The following GAB4 variants were observed in gnomAD, a reference collection of about 807,000 sequenced individuals.
GAB4 encodes GRB2 associated binding protein family member 4.
GAB4 carries 26 observed loss-of-function variants against 51.3 expected under a neutral mutation model. The ratio of observed to expected loss-of-function variants is 0.51; its 90% CI spans 0.37 to 0.70. The LOEUF (loss-of-function observed/expected upper bound fraction) is 0.70, where lower values mean the gene tolerates loss of function less well. Among genes scored for constraint, GAB4 ranks in the 30% least tolerant of loss-of-function variants. GAB4 has a pLI of 0.00. For synonymous variants in GAB4, 329 were observed against 291.2 expected, an observed-to-expected ratio of 1.13 and a Z score of -1.32; for missense variants, 759 against 734.6, an observed-to-expected ratio of 1.03 and a Z score of -0.38.
intron 9 of GAB4, among the ~76,000 whole-genome samples, chr22:16,963,257 T>A (rs1205831403): frequency 2.0e-5 from 3 of 152,206 alleles, no homozygotes; most frequent in South Asian, 2.1e-4. Flanking sequence ...AGGGGCGCAA[T>A]GCACAGAGAT....
intron 4 of GAB4, among the ~76,000 whole-genome samples, chr22:16,968,668 T>G (rs2060703692): frequency 1.3e-5 from 2 of 152,122 alleles, no homozygotes; most frequent in Admixed American, 1.3e-4. Context: ...CCCATCCCTT[T>G]CACCCACCTG....
At chr22:16,970,248 C>T (rs2060719705) in intron 3 of GAB4, 55 bp from the exon 4 acceptor site, 2 of 1,594,768 alleles carry the variant, frequency 1.3e-6, no homozygotes, top group Non-Finnish European at 8.6e-7. Context: ...AGGACTGCCC[C>T]AGGGAGGCAG....
intron 1 of GAB4, among the ~76,000 whole-genome samples, chr22:17,002,040 G>C (rs763143784): frequency 6.6e-6 from 1 of 152,094 alleles, no homozygotes; most frequent in Non-Finnish European, 1.5e-5. Flanking sequence ...GGAGTGTCCC[G>C]ATTTTCCAGG....
chr22:16,963,380 A>T (rs530240510), intron 9 of GAB4, among the ~76,000 whole-genome samples: 3 of 152,234 alleles, frequency 2.0e-5, no homozygotes, highest in South Asian at 4.1e-4. Context: ...CGGGCTCTAG[A>T]ACCCTCCCAC....
At chr22:16,999,328 G>C (rs556342382) in intron 1 of GAB4, among the ~76,000 whole-genome samples, 2 of 152,278 alleles carry the variant, frequency 1.3e-5, no homozygotes, top group African/African-American at 4.8e-5. Context: ...ACCTGTTATT[G>C]GTCTATTCAG....
intron 1 of GAB4, among the ~76,000 whole-genome samples, chr22:16,995,469 C>T (rs1391642612): frequency 2.0e-5 from 3 of 152,226 alleles, no homozygotes; most frequent in Admixed American, 6.5e-5. Context: ...TGCTAAGGGA[C>T]AGACTGCCTC....
intron 1 of GAB4, among the ~76,000 whole-genome samples, chr22:16,997,343 G>C (rs1051127352): frequency 3.9e-5 from 6 of 152,304 alleles, no homozygotes; most frequent in Admixed American, 6.5e-5. Context: ...ATTCTAACTG[G>C]TATGAGATGG....
intron 7 of GAB4, 22 bp downstream of exon 7, chr22:16,965,156 G>T (rs1433051659): frequency 1.9e-6 from 3 of 1,589,392 alleles, no homozygotes; most frequent in Non-Finnish European, 2.6e-6. Flanking sequence ...CCAAGCTCCT[G>T]TTTCCACTGA....
chr22:16,999,314 C>T (rs973497527), intron 1 of GAB4, among the ~76,000 whole-genome samples: 1 of 152,206 alleles, frequency 6.6e-6, no homozygotes, highest in Non-Finnish European at 1.5e-5. Context: ...GCCTCAATTT[C>T]AGAACCTGTT....
At chr22:16,997,131 T>C (rs1394687228) in intron 1 of GAB4, among the ~76,000 whole-genome samples, 1 of 152,208 alleles carries the variant, frequency 6.6e-6, no homozygotes, top group Non-Finnish European at 1.5e-5. Flanking sequence ...TATAGTACAA[T>C]GATTTATAAT....
chr22:16,996,905 T>TG (rs1344175533), intron 1 of GAB4, among the ~76,000 whole-genome samples: 19 of 148,310 alleles, frequency 1.3e-4, no homozygotes, highest in South Asian at 4.3e-4. Flanking sequence ...AGTGAGAACA[T>TG]GCGGTGTTTG....
chr22:17,002,802 C>T (rs1463458147), intron 1 of GAB4, among the ~76,000 whole-genome samples: 2 of 152,010 alleles, frequency 1.3e-5, no homozygotes, highest in African/African-American at 4.8e-5. Context: ...ATTGTGCACA[C>T]GTACCCAAAA....
chr22:17,007,998 G>A lies in GAB4; in HGVS notation c.117C>T (p.His39=). The A allele has an allele frequency of 6.2e-7, 1 of 1,612,768 alleles. No homozygotes were observed. ...TCCTCAGCCAGCCGCTGTACAGCAC[G>A]TGGCCACTTCTCGTGCTTCCGCCGG... is the stretch of plus-strand genomic sequence containing the variant. ...GPAGGSTRSG[H]VLYSGWLRKS... Residue 39 remains histidine, a synonymous_variant, in exon 1 of 10, where the codon CAC becomes CAT. Transcript: ENST00000400588.
Position 16,963,498 on chromosome 22 carries a change from T to C in GAB4, c.1581+227A>G, listed in dbSNP as rs1198950109. Among the ~76,000 whole-genome samples, 4 of 152,072 alleles carry C rather than the reference T, an allele frequency of 2.6e-5. No homozygotes were observed. In the South Asian group the frequency reaches 8.3e-4, roughly 32 times the overall value. On this transcript the variant is annotated intron_variant, in intron 9 of 9. Transcript: ENST00000400588. Reference sequence around the variant, plus strand: ...CACAGATCAGGTCTCCACACAGTCATCTGTCTCTAATGGGGAGTCGGGGCA... The same window carrying C: ...CACAGATCAGGTCTCCACACAGTCACCTGTCTCTAATGGGGAGTCGGGGCA...
intron 1 of GAB4, among the ~76,000 whole-genome samples, chr22:16,998,566 A>C (rs532282923): frequency 6.6e-6 from 1 of 152,322 alleles, no homozygotes; most frequent in African/African-American, 2.4e-5. Flanking sequence ...GGGGTTTTCT[A>C]AATATACAGT....
At position 16,996,427 on chromosome 22, in the gene GAB4, G is replaced by A. The variant is rs909875448; in HGVS notation, c.175-4251C>T. ...GAACTTCCCCAACCAAGCAAGACAAGCCAACATTCAAATTCAAGAAATACA... is the reference window on the plus strand; with the variant it reads ...GAACTTCCCCAACCAAGCAAGACAAACCAACATTCAAATTCAAGAAATACA... On this transcript the variant is annotated intron_variant, in intron 1 of 9. Coordinates refer to ENST00000400588, the MANE Select transcript of GAB4 (RefSeq NM_001037814.1). 1.3e-4 allele frequency among the ~76,000 whole-genome samples: 20 copies of A among 152,172 alleles called. 1 individual carries two copies. Among genetic ancestry groups the A allele is most frequent in the African/African-American group, 4.3e-4 (18 of 41,524 alleles).
chr22:16,968,249 C>T (rs2060698062), intron 5 of GAB4, 49 bp downstream of exon 5: 1 of 1,304,166 alleles, frequency 7.7e-7, no homozygotes, highest in Non-Finnish European at 1.1e-6. Context: ...GGAGTGTGAC[C>T]TTTACCTCCC....
chr22:16,972,786 C>T (rs555541455), intron 3 of GAB4, among the ~76,000 whole-genome samples: 3 of 152,162 alleles, frequency 2.0e-5, no homozygotes, highest in Non-Finnish European at 4.4e-5. Flanking sequence ...ACGTCTTCCT[C>T]ACATCTTCCC....
intron 1 of GAB4, among the ~76,000 whole-genome samples, chr22:16,999,748 GAT>G (rs2060981146): frequency 6.6e-6 from 1 of 152,144 alleles, no homozygotes; most frequent in African/African-American, 2.4e-5. Context: ...GTTGATTTTA[GAT>G]CTTTCCTGCT....
Sources: gnomAD v4.1 joint callset for allele counts (sites outside exome capture counted in the v4.1 genomes callset) on GRCh38, gnomAD v4.1.1 for gene constraint, MANE v1.5 for transcripts, NCBI Gene and HGNC (gene_info 2026-07-23, HGNC 2026-07-21) for gene names.